The following KCND3 variants were observed in gnomAD, a reference collection of about 807,000 sequenced individuals.
The protein encoded by KCND3 is A-type voltage-gated potassium channel KCND3.
In KCND3, 9 loss-of-function variants were observed where a neutral mutation model predicts 51.1. The observed-to-expected ratio is 0.18, with a 90% CI of 0.11 to 0.31. KCND3 has a LOEUF of 0.31. KCND3 is among the 10% of genes least tolerant of loss of function. The pLI is 1.00. For synonymous variants in KCND3, 349 were observed against 368.0 expected (o/e 0.95, Z 0.59); for missense variants, 526 against 903.8 (o/e 0.58, Z 5.36).
intron 2 of KCND3, among the ~76,000 whole-genome samples, chr1:111,971,415 G>C (rs1674323230): frequency 6.6e-6 from 1 of 152,078 alleles, no homozygotes; most frequent in Non-Finnish European, 1.5e-5. Flanking sequence ...AATTTCCACA[G>C]GTGAAGATGA....
chr1:111,951,157 CAAAAAA>C (rs71081206), intron 2 of KCND3, among the ~76,000 whole-genome samples: 505 of 30,626 alleles, frequency 0.016, 4 homozygotes, highest in African/African-American at 0.048. Flanking sequence ...CAAACAAGAG[CAAAAAA>C]AAAAAAAAAA....
intron 2 of KCND3, among the ~76,000 whole-genome samples, chr1:111,896,808 C>T (rs1341862596): frequency 1.3e-5 from 2 of 152,238 alleles, no homozygotes; most frequent in African/African-American, 4.8e-5. Context: ...CTGGCTCCTT[C>T]ACTTATGAGC....
At chr1:111,965,719 C>G (rs1186592357) in intron 2 of KCND3, among the ~76,000 whole-genome samples, 2 of 152,058 alleles carry the variant, frequency 1.3e-5, no homozygotes, top group Non-Finnish European at 2.9e-5. Context: ...AATTTGGGCA[C>G]ACCCTCCCTC....
chr1:111,967,314 G>A (rs1011040262), intron 2 of KCND3, among the ~76,000 whole-genome samples: 1 of 152,074 alleles, frequency 6.6e-6, no homozygotes, highest in Non-Finnish European at 1.5e-5. Flanking sequence ...AGGATGTGTG[G>A]GGCTTAAGTG....
At chr1:111,951,974 G>A (rs1673083389) in intron 2 of KCND3, among the ~76,000 whole-genome samples, 1 of 152,212 alleles carries the variant, frequency 6.6e-6, no homozygotes, top group Non-Finnish European at 1.5e-5. Flanking sequence ...TCAGGGTCCA[G>A]GAACAGCATG....
chr1:111,870,762 A>T (rs1449105392), intron 2 of KCND3, among the ~76,000 whole-genome samples: 1 of 152,206 alleles, frequency 6.6e-6, no homozygotes, highest in Non-Finnish European at 1.5e-5. Flanking sequence ...ACCTCCATCC[A>T]ATCACCTATC....
At chr1:111,960,473 A>C (rs1673585863) in intron 2 of KCND3, among the ~76,000 whole-genome samples, 1 of 152,254 alleles carries the variant, frequency 6.6e-6, no homozygotes. Context: ...AAGACCAGCC[A>C]GGGCTGGTAC....
At chr1:111,865,673 C>T (rs1668524978) in intron 2 of KCND3, among the ~76,000 whole-genome samples, 1 of 152,084 alleles carries the variant, frequency 6.6e-6, no homozygotes, top group African/African-American at 2.4e-5. Flanking sequence ...CTCTGGAATC[C>T]TTTTTTTGGG....
At chr1:111,801,227 GGA>G (rs1371692911) in intron 2 of KCND3, among the ~76,000 whole-genome samples, 1 of 152,258 alleles carries the variant, frequency 6.6e-6, no homozygotes, top group Non-Finnish European at 1.5e-5. Context: ...CTGGATGCTG[GGA>G]GAAAGCGGGA....
chr1:111,791,815 A>G (rs1664840818), intron 2 of KCND3, among the ~76,000 whole-genome samples: 1 of 152,234 alleles, frequency 6.6e-6, no homozygotes, highest in Admixed American at 6.5e-5. Flanking sequence ...TTTTTATTCA[A>G]ATAATCAATG....
At chr1:111,938,307 G>A (rs1672318956) in intron 2 of KCND3, among the ~76,000 whole-genome samples, 1 of 152,176 alleles carries the variant, frequency 6.6e-6, no homozygotes, top group South Asian at 2.1e-4. Context: ...CCTGCATTGA[G>A]TGTCCATTTC....
chr1:111,948,187 C>T (rs1218316407), intron 2 of KCND3, among the ~76,000 whole-genome samples: 1 of 152,238 alleles, frequency 6.6e-6, no homozygotes, highest in Non-Finnish European at 1.5e-5. Context: ...TGTGCGTGGC[C>T]TCCCTCTCTG....
chr1:111,980,778 G>T lies in KCND3; in HGVS notation c.1106+843C>A, dbSNP rs559337024. 9.2e-5 allele frequency among the ~76,000 whole-genome samples: 14 copies of T among 152,236 alleles called. No individual in the cohort carries two copies. In the South Asian group the frequency reaches 2.5e-3, roughly 27 times the overall value. On this transcript the variant is annotated intron_variant, in intron 2 of 7. Transcript: ENST00000302127. ...CTGAGCCCCCTTCCTCTGATGGAAA[G>T]CTTCACATCCCAGCATCATGAATAC... is the stretch of plus-strand genomic sequence containing the variant.
At chr1:111,971,016 G>A (rs1464815355) in intron 2 of KCND3, among the ~76,000 whole-genome samples, 1 of 152,154 alleles carries the variant, frequency 6.6e-6, no homozygotes, top group Non-Finnish European at 1.5e-5. Flanking sequence ...GGGAAAGGAA[G>A]GAGTAAATGA....
intron 2 of KCND3, among the ~76,000 whole-genome samples, chr1:111,880,966 A>G (rs967591087): frequency 6.6e-5 from 10 of 151,728 alleles, no homozygotes; most frequent in African/African-American, 2.4e-4. Flanking sequence ...TGGCTCCCAC[A>G]TCCTCTGTCA....
intron 2 of KCND3, among the ~76,000 whole-genome samples, chr1:111,956,638 G>C (rs1386454491): frequency 1.3e-5 from 2 of 152,142 alleles, no homozygotes; most frequent in Non-Finnish European, 2.9e-5. Context: ...CACCAGGCTT[G>C]AGTTCAGCTC....
At position 111,967,247 on chromosome 1, in the gene KCND3, G is replaced by A. The variant is rs574887343; in HGVS notation, c.1106+14374C>T. 4.5e-3 allele frequency among the ~76,000 whole-genome samples: 689 copies of A among 152,202 alleles called. 1 individual carries two copies. Among genetic ancestry groups the A allele is most frequent in the Non-Finnish European group, 8.4e-3 (571 of 68,010 alleles). Reference sequence around the variant, plus strand: ...AGGCAGACCTGTTGCCCTCTGCTGGGGAGGGTGCTGAAGACAGCCCAGCTC... The same window carrying A: ...AGGCAGACCTGTTGCCCTCTGCTGGAGAGGGTGCTGAAGACAGCCCAGCTC... On this transcript the variant is annotated intron_variant, in intron 2 of 7. Transcript: ENST00000302127.
At chr1:111,930,943 G>C (rs934299425) in intron 2 of KCND3, among the ~76,000 whole-genome samples, 8 of 152,222 alleles carry the variant, frequency 5.3e-5, no homozygotes, top group Admixed American at 5.2e-4. Flanking sequence ...AAACCAAACT[G>C]TGTGCTGGGG....
chr1:111,932,547 C>T (rs942479760), intron 2 of KCND3, among the ~76,000 whole-genome samples: 1 of 152,240 alleles, frequency 6.6e-6, no homozygotes, highest in Admixed American at 6.5e-5. Context: ...CTGCACTCAG[C>T]TCCTGGCAGC....
Sources: allele counts gnomAD v4.1 joint callset (sites outside exome capture counted in the v4.1 genomes callset), GRCh38; gene constraint gnomAD v4.1.1; transcripts MANE v1.5; gene names NCBI Gene and HGNC (gene_info 2026-07-23, HGNC 2026-07-21).